The following CPNE8 variants were observed in gnomAD, a reference collection of about 807,000 sequenced individuals.
CPNE8 encodes the protein copine-8.
A neutral mutation model predicts 81.5 loss-of-function variants in CPNE8; 45 were observed. The observed-to-expected ratio is 0.55, with a 90% CI of 0.44 to 0.71. The LOEUF (loss-of-function observed/expected upper bound fraction) is 0.71. Among genes scored for constraint, CPNE8 ranks in the 30% least tolerant of loss-of-function variants. The pLI is 0.00. For synonymous variants in CPNE8, 252 were observed against 226.3 expected (o/e 1.11, Z -1.02); for missense variants, 594 against 672.1 (o/e 0.88, Z 1.28).
At chr12:38,706,503 T>C (rs996366411) in intron 13 of CPNE8, among the ~76,000 whole-genome samples, 1 of 152,168 alleles carries the variant, frequency 6.6e-6, no homozygotes, top group Non-Finnish European at 1.5e-5. Context: ...ATCTCATGCT[T>C]GGGCAAATTT....
intron 10 of CPNE8, among the ~76,000 whole-genome samples, chr12:38,737,098 AT>A: frequency 1.3e-5 from 2 of 151,780 alleles, no homozygotes; most frequent in East Asian, 3.9e-4. Flanking sequence ...GTAAGTTGTA[AT>A]TTTTTTCAGA....
At chr12:38,662,159 A>G (rs1938973528) in intron 19 of CPNE8, among the ~76,000 whole-genome samples, 1 of 152,170 alleles carries the variant, frequency 6.6e-6, no homozygotes, top group African/African-American at 2.4e-5. Context: ...TAGCCAGAGA[A>G]ATTAGGCAAC....
At chr12:38,751,136 G>T (rs1205529556) in intron 10 of CPNE8, among the ~76,000 whole-genome samples, 1 of 152,148 alleles carries the variant, frequency 6.6e-6, no homozygotes, top group Non-Finnish European at 1.5e-5. Flanking sequence ...TGCCATGATT[G>T]TGAGGCTTCC....
intron 19 of CPNE8, among the ~76,000 whole-genome samples, chr12:38,665,969 A>C (rs1939049652): frequency 6.6e-6 from 1 of 152,204 alleles, no homozygotes; most frequent in African/African-American, 2.4e-5. Flanking sequence ...ACTGGACTGT[A>C]CCAATGTACT....
chr12:38,704,403 C>T (rs1424047036), intron 13 of CPNE8, among the ~76,000 whole-genome samples: 1 of 151,862 alleles, frequency 6.6e-6, no homozygotes, highest in African/African-American at 2.4e-5. Context: ...TGTGTATTTA[C>T]AGATATAGAT....
At chr12:38,858,595 G>A (rs1163925759) in intron 3 of CPNE8, among the ~76,000 whole-genome samples, 1 of 152,166 alleles carries the variant, frequency 6.6e-6, no homozygotes, top group Non-Finnish European at 1.5e-5. Flanking sequence ...ATGGAAAGGG[G>A]CAATTAATTC....
At chr12:38,843,473 C>T (rs1202824261) in intron 4 of CPNE8, among the ~76,000 whole-genome samples, 1 of 151,914 alleles carries the variant, frequency 6.6e-6, no homozygotes, top group African/African-American at 2.4e-5. Flanking sequence ...TTTCCACTCC[C>T]CAAAGCCAAG....
chr12:38,798,773 G>GA (rs1296035494), intron 6 of CPNE8, among the ~76,000 whole-genome samples: 5 of 152,132 alleles, frequency 3.3e-5, no homozygotes, highest in African/African-American at 1.2e-4. Flanking sequence ...AAAGACTCAA[G>GA]ATCCATCAGT....
chr12:38,720,241 C>G (rs1225443143), intron 13 of CPNE8, among the ~76,000 whole-genome samples: 2 of 152,158 alleles, frequency 1.3e-5, no homozygotes, highest in Non-Finnish European at 2.9e-5. Flanking sequence ...GGTTTGTAAG[C>G]AACAGAAAAA....
chr12:38,743,611 T>C (rs1010878407), intron 10 of CPNE8, among the ~76,000 whole-genome samples: 2 of 152,146 alleles, frequency 1.3e-5, no homozygotes, highest in Non-Finnish European at 2.9e-5. Context: ...CATATGTTGA[T>C]ACAAATTAAA....
intron 14 of CPNE8, among the ~76,000 whole-genome samples, chr12:38,696,002 T>C (rs894936345): frequency 2.6e-5 from 4 of 152,112 alleles, no homozygotes; most frequent in South Asian, 2.1e-4. Flanking sequence ...CTCACAAATA[T>C]AGAAGAGTTT....
At chr12:38,730,254 A>C in intron 11 of CPNE8, 29 bp downstream of exon 11, 1 of 1,348,470 alleles carries the variant, frequency 7.4e-7, no homozygotes, top group Non-Finnish European at 1.1e-6. Flanking sequence ...TTCTAGAAAA[A>C]AACAATGGTA....
chr12:38,806,178 G>A (rs956370501), intron 6 of CPNE8, among the ~76,000 whole-genome samples: 1 of 150,216 alleles, frequency 6.7e-6, no homozygotes, highest in Non-Finnish European at 1.5e-5. Context: ...AGAGGCATGA[G>A]GAGGAACTGG....
At chr12:38,747,498 G>A (rs1394870287) in intron 10 of CPNE8, among the ~76,000 whole-genome samples, 1 of 152,048 alleles carries the variant, frequency 6.6e-6, no homozygotes, top group Admixed American at 6.6e-5. Context: ...TGAGGATACA[G>A]AATTGCATTA....
chr12:38,770,439 T>C (rs149340869), intron 7 of CPNE8, among the ~76,000 whole-genome samples: 1 of 152,232 alleles, frequency 6.6e-6, no homozygotes, highest in Non-Finnish European at 1.5e-5. Context: ...GACATGTTCA[T>C]TGACATTTAT....
At chr12:38,786,288 G>A (rs375182329) in intron 6 of CPNE8, among the ~76,000 whole-genome samples, 7 of 152,296 alleles carry the variant, frequency 4.6e-5, no homozygotes, top group African/African-American at 1.7e-4. Context: ...GATCCTGGGT[G>A]TGTGTGTGAG....
At chr12:38,836,785 T>G (rs1943387260) in intron 5 of CPNE8, among the ~76,000 whole-genome samples, 1 of 152,174 alleles carries the variant, frequency 6.6e-6, no homozygotes, top group Admixed American at 6.5e-5. Flanking sequence ...TCTTCAAAAA[T>G]CCTCATGAAT....
chr12:38,832,494 G>T (rs756239962), intron 5 of CPNE8, among the ~76,000 whole-genome samples: 4 of 152,146 alleles, frequency 2.6e-5, no homozygotes, highest in Non-Finnish European at 4.4e-5. Context: ...CAGTAAGCTG[G>T]ACATACAGCC....
intron 4 of CPNE8, among the ~76,000 whole-genome samples, chr12:38,844,723 T>TA (rs1943525873): frequency 6.6e-6 from 1 of 152,300 alleles, no homozygotes; most frequent in Non-Finnish European, 1.5e-5. Context: ...TCACTGTCGT[T>TA]ACAATTATTT....
Sources: allele counts gnomAD v4.1 joint callset (sites outside exome capture counted in the v4.1 genomes callset), GRCh38; gene constraint gnomAD v4.1.1; transcripts MANE v1.5; gene names NCBI Gene and HGNC (gene_info 2026-07-23, HGNC 2026-07-21).